The following ANKS1A variants were observed in gnomAD, a reference collection of about 807,000 sequenced individuals.
ANKS1A encodes the protein ankyrin repeat and sterile alpha motif domain containing 1A, also known as ankyrin repeat and SAM domain-containing protein 1A.
In ANKS1A, 55 loss-of-function variants were observed where a neutral mutation model predicts 120.3. The ratio of observed to expected loss-of-function variants is 0.46; its 90% CI spans 0.37 to 0.57. The LOEUF (loss-of-function observed/expected upper bound fraction) is 0.57. ANKS1A is among the 20% of genes least tolerant of loss of function. The pLI is 0.00. For missense variants in ANKS1A, 1,123 were observed against 1,480.3 expected, an observed-to-expected ratio of 0.76 and a Z score of 3.96; for synonymous variants, 590 against 604.7, an observed-to-expected ratio of 0.98 and a Z score of 0.36.
At chr6:35,071,763 C>T (rs1191091337) in intron 13 of ANKS1A, among the ~76,000 whole-genome samples, 9 of 152,242 alleles carry the variant, frequency 5.9e-5, no homozygotes, top group Non-Finnish European at 1.2e-4. Context: ...CCAGAAGATC[C>T]GTTAAAGTCA....
chr6:35,081,250 G>T, intron 17 of ANKS1A, 92 bp downstream of exon 17: 1 of 1,431,940 alleles, frequency 7.0e-7, no homozygotes, highest in South Asian at 1.4e-5. Context: ...CCCCATACTT[G>T]AGCACAGTTG....
rs546984017 is a variant in ANKS1A, at chr6:35,069,300, C to T, written c.2184+9047C>T. On this transcript the variant is annotated intron_variant, in intron 13 of 23. Coordinates refer to ENST00000360359, the MANE Select transcript of ANKS1A (RefSeq NM_015245.3). ...CTGCTGGACCCCCCTCCTGCAGTCCCCCAACCCCCACCATTGTCCCTTGTC... is the reference window on the plus strand; with the variant it reads ...CTGCTGGACCCCCCTCCTGCAGTCCTCCAACCCCCACCATTGTCCCTTGTC... 9.2e-5 allele frequency among the ~76,000 whole-genome samples: 14 copies of T among 152,070 alleles called. No individual in the cohort carries two copies. The South Asian group carries it at 2.9e-3, about 32-fold the overall frequency.
In ANKS1A at chr6:34,976,147, A is replaced by AAAAAG. The variant is rs1554140067; in HGVS notation, c.436-5533_436-5529dup. Among the ~76,000 whole-genome samples, 164 of 145,792 alleles carry AAAAAG rather than the reference A, an allele frequency of 1.1e-3. 1 individual carries two copies. Among genetic ancestry groups the AAAAAG allele is most frequent in the East Asian group, 4.9e-3 (23 of 4,674 alleles). The stretch of plus-strand genomic sequence containing the variant: ...AGGAGACTCCATCTCAAAAAAAAAA[A>AAAAAG]AAAAGAAAAGAAAAACTGATCTGAT... On this transcript the variant is annotated intron_variant, in intron 3 of 23. Transcript: ENST00000360359.
In ANKS1A at chr6:35,082,231, C is replaced by T. The variant is rs1359829599; in HGVS notation, c.2710-460C>T. The stretch of plus-strand genomic sequence containing the variant: ...CAGAAGGATCCATTTGGAATGCATT[C>T]CTAGGCACGGGCGGGTGCTTCACTG... On this transcript the variant is annotated intron_variant, in intron 17 of 23. Transcript: ENST00000360359. The surrounding 1 kb of genome is among the most constrained non-coding windows in gnomAD (Gnocchi z 4.1). Among the ~76,000 whole-genome samples, 1 of 152,026 alleles carries T rather than the reference C, an allele frequency of 6.6e-6. No individual in the cohort carries two copies. Among genetic ancestry groups the T allele is most frequent in the Non-Finnish European group, 1.5e-5 (1 of 67,992 alleles).
chr6:34,980,897 G>A (rs996978453), intron 3 of ANKS1A, among the ~76,000 whole-genome samples: 1 of 152,212 alleles, frequency 6.6e-6, no homozygotes, highest in Non-Finnish European at 1.5e-5. Context: ...TGTGGGTTGT[G>A]AGCTTGAATT....
intron 11 of ANKS1A, 48 bp downstream of exon 11, chr6:35,018,107 G>A (rs371018242): frequency 9.6e-6 from 15 of 1,569,102 alleles, no homozygotes; most frequent in African/African-American, 5.4e-5. Flanking sequence ...CAGGCTGGCC[G>A]CAGCCCACCA....
At chr6:34,897,351 C>G (rs1767139761) in intron 1 of ANKS1A, among the ~76,000 whole-genome samples, 1 of 152,104 alleles carries the variant, frequency 6.6e-6, no homozygotes. Flanking sequence ...CTTTTTCCCA[C>G]ATTGGATTGT....
intron 9 of ANKS1A, among the ~76,000 whole-genome samples, chr6:34,991,541 TACACACACACACACACACACACACACAC>T (rs149416311): frequency 2.2e-5 from 3 of 138,484 alleles, no homozygotes; most frequent in African/African-American, 5.6e-5. Context: ...AAAAAATATA[TACACACACACACACACACACACACACAC>T]ACACACACAC....
intron 1 of ANKS1A, among the ~76,000 whole-genome samples, chr6:34,929,219 A>G (rs1172576318): frequency 6.6e-6 from 1 of 152,192 alleles, no homozygotes; most frequent in Non-Finnish European, 1.5e-5. Context: ...CAGGCTTTCA[A>G]TACTTTTTTT....
intron 1 of ANKS1A, among the ~76,000 whole-genome samples, chr6:34,924,131 T>TGTGTGTGTGTG (rs1561850542): frequency 2.5e-5 from 3 of 121,312 alleles, no homozygotes; most frequent in African/African-American, 9.7e-5. Flanking sequence ...GTGTGTGTAT[T>TGTGTGTGTGTG]TTTCTTTTCC....
At chr6:34,951,209 T>G (rs1299420047) in intron 1 of ANKS1A, among the ~76,000 whole-genome samples, 1 of 152,136 alleles carries the variant, frequency 6.6e-6, no homozygotes, top group Admixed American at 6.5e-5. Flanking sequence ...ATAGATTATT[T>G]ACGAAAATTG....
Position 35,081,350 on chromosome 6 carries a change from G to A in ANKS1A, c.2709+192G>A, listed in dbSNP as rs114781733. 7.8e-3 allele frequency among the ~76,000 whole-genome samples: 1,188 copies of A among 152,300 alleles called. 16 individuals are homozygous for A. Among genetic ancestry groups the A allele is most frequent in the African/African-American group, 0.027 (1,134 of 41,566 alleles). On this transcript the variant is annotated intron_variant, in intron 17 of 23. Coordinates refer to ENST00000360359, the MANE Select transcript of ANKS1A (RefSeq NM_015245.3). Reference sequence around the variant, plus strand: ...AGGCCCACCCAGCACCCATGGTGCCGAGCTCGGGCCGCACAACTCACTTTA... The same window carrying A: ...AGGCCCACCCAGCACCCATGGTGCCAAGCTCGGGCCGCACAACTCACTTTA...
rs118169213 is a variant in ANKS1A, at chr6:34,994,340, C to T, written c.1341C>T (p.Ala447=). 427 of 1,613,656 alleles carry T rather than the reference C, an allele frequency of 2.6e-4. 7 individuals carry two copies. In the East Asian group the frequency reaches 8.6e-3, roughly 33 times the overall value. ...SMRPRIHGSA[A]REEDEHPYEL... is the part of the protein sequence containing the mutation. Reference sequence around the variant, plus strand: ...GACCTAGGATTCATGGGAGTGCAGCCCGGGAAGAAGACGAACACCCTTATG... The same window carrying T: ...GACCTAGGATTCATGGGAGTGCAGCTCGGGAAGAAGACGAACACCCTTATG... The change falls in exon 10 of 24, where the codon GCC becomes GCT. Residue 447 remains alanine, a synonymous_variant. Coordinates refer to ENST00000360359, the MANE Select transcript of ANKS1A (RefSeq NM_015245.3).
chr6:34,947,936 A>G (rs1769882594), intron 1 of ANKS1A, among the ~76,000 whole-genome samples: 1 of 152,236 alleles, frequency 6.6e-6, no homozygotes, highest in Non-Finnish European at 1.5e-5. Context: ...ATCTCAGTAG[A>G]GGTCCTGAGA....
intron 9 of ANKS1A, among the ~76,000 whole-genome samples, chr6:34,993,678 C>G (rs1418911230): frequency 1.3e-5 from 2 of 152,188 alleles, no homozygotes; most frequent in Non-Finnish European, 2.9e-5. Context: ...AAGTTTGTTT[C>G]TAGTAAACGT....
chr6:35,030,602 T>C (rs534200568), intron 11 of ANKS1A, among the ~76,000 whole-genome samples: 4 of 152,224 alleles, frequency 2.6e-5, no homozygotes, highest in Non-Finnish European at 5.9e-5. Flanking sequence ...CTTCCAACTT[T>C]TGCTTGTAAA....
intron 1 of ANKS1A, among the ~76,000 whole-genome samples, chr6:34,902,713 G>A (rs1399807441): frequency 1.4e-5 from 2 of 140,256 alleles, no homozygotes; most frequent in Non-Finnish European, 3.1e-5. Flanking sequence ...TGAGGCAGGA[G>A]AATCGCTTGA....
intron 1 of ANKS1A, 66 bp from the exon 2 acceptor site, chr6:34,967,173 T>G: frequency 6.6e-7 from 1 of 1,522,586 alleles, no homozygotes; most frequent in Non-Finnish European, 9.0e-7. Context: ...GCTAGCTATC[T>G]CTAACTTTGG....
In ANKS1A at chr6:35,086,236, CCT is replaced by C. The variant is rs1561970417; in HGVS notation, c.3303+301_3303+302del. 5 of 1,368,280 alleles carry C rather than the reference CCT, an allele frequency of 3.7e-6. No individual in the cohort carries two copies. The Admixed American group carries it at 1.1e-4, about 30-fold the overall frequency. 84.8% of individuals were successfully genotyped at this position (1,368,280 alleles called of 1,614,324 possible). A position where few individuals can be genotyped will look rare whatever the true frequency, so the allele number is the denominator to read the frequency against. ...GGCAGCCCCCAGTAACTGCGCCATCCCTGTGTCTGTGTCTGCTTTGCTCTGCA... is the reference window on the plus strand; with the variant it reads ...GGCAGCCCCCAGTAACTGCGCCATCCGTGTCTGTGTCTGCTTTGCTCTGCA... On this transcript the variant is annotated intron_variant, in intron 22 of 23. Coordinates refer to ENST00000360359, the MANE Select transcript of ANKS1A (RefSeq NM_015245.3). This position sits in a 1 kb window ranked among gnomAD's most constrained non-coding sequence, Gnocchi z 5.1.
Sources: allele counts gnomAD v4.1 joint callset (sites outside exome capture counted in the v4.1 genomes callset), GRCh38; gene constraint gnomAD v4.1.1; non-coding constraint Gnocchi (gnomAD v3.1); transcripts MANE v1.5; gene names NCBI Gene and HGNC (gene_info 2026-07-23, HGNC 2026-07-21).